The following TBXAS1 variants were observed in gnomAD, a reference collection of about 807,000 sequenced individuals.
TBXAS1 encodes thromboxane A synthase 1.
Under a neutral mutation model 60.7 loss-of-function variants are expected in TBXAS1, and 48 were observed. That is an observed-to-expected ratio of 0.79 (90% CI 0.63 to 1.01). The LOEUF is 1.01. Ranked by LOEUF, TBXAS1 falls within the 50% of genes least tolerant of loss-of-function variation. The pLI, the probability that TBXAS1 is intolerant of heterozygous loss-of-function variation, is 0.00. For synonymous variants in TBXAS1, 287 were observed against 269.7 expected, an observed-to-expected ratio of 1.06 and a Z score of -0.63; for missense variants, 685 against 686.3, an observed-to-expected ratio of 1.00 and a Z score of 0.02.
intron 4 of TBXAS1, among the ~76,000 whole-genome samples, chr7:139,793,040 T>G (rs1797437080): frequency 6.6e-6 from 1 of 152,176 alleles, no homozygotes. Flanking sequence ...AATTGAATGG[T>G]TATCTACTAT....
chr7:139,880,638 A>G (rs1169637979), intron 3 of TBXAS1, among the ~76,000 whole-genome samples: 1 of 152,136 alleles, frequency 6.6e-6, no homozygotes, highest in Non-Finnish European at 1.5e-5. Context: ...AAATTGTCCC[A>G]TTTTGCTTCA....
intron 5 of TBXAS1, 77 bp downstream of exon 5, chr7:139,936,384 C>A: frequency 7.2e-7 from 1 of 1,396,886 alleles, no homozygotes; most frequent in South Asian, 1.2e-5. Flanking sequence ...AGAGCCAGTT[C>A]ATGTTGCATC....
chr7:139,893,138 T>C (rs1653871222), intron 3 of TBXAS1, among the ~76,000 whole-genome samples: 2 of 152,260 alleles, frequency 1.3e-5, no homozygotes, highest in Middle Eastern at 3.4e-3. Context: ...TTTTTATACC[T>C]AGTCCTGGAC....
At position 139,832,299 on chromosome 7, in the gene TBXAS1, A is replaced by T. The variant is rs899628732; in HGVS notation, c.89+2820A>T. ...AGAAAATTCAGGAAACTTTGGACACACTTTTAGAAATGTGAAATGCTCTGG... is the reference window on the plus strand; with the variant it reads ...AGAAAATTCAGGAAACTTTGGACACTCTTTTAGAAATGTGAAATGCTCTGG... On this transcript the variant is annotated intron_variant, in intron 1 of 12. Transcript: ENST00000448866. 3.9e-5 allele frequency among the ~76,000 whole-genome samples: 6 copies of T among 152,312 alleles called. No individual in the cohort carries two copies. In the South Asian group the frequency reaches 1.2e-3, roughly 32 times the overall value.
At chr7:139,864,246 TA>T (rs78154434) in intron 1 of TBXAS1, among the ~76,000 whole-genome samples, 2,253 of 138,742 alleles carry the variant, frequency 0.016, 24 homozygotes, top group Middle Eastern at 0.037. Flanking sequence ...ACGCTGGCAT[TA>T]AAAAAAAAAA....
chr7:139,913,459 A>G (rs1389940185), intron 4 of TBXAS1: 1 of 335,936 alleles, frequency 3.0e-6, no homozygotes, highest in African/African-American at 2.0e-5. Context: ...CTGAGCCCCT[A>G]AGCCATGAGA....
chr7:139,965,520 C>T (rs769006727), intron 9 of TBXAS1, among the ~76,000 whole-genome samples: 4 of 152,070 alleles, frequency 2.6e-5, no homozygotes, highest in Non-Finnish European at 5.9e-5. Context: ...CAGCAAACTC[C>T]GCCGCCTAAG....
chr7:139,885,895 A>C (rs1462481423), intron 3 of TBXAS1, among the ~76,000 whole-genome samples: 1 of 152,210 alleles, frequency 6.6e-6, no homozygotes, highest in Non-Finnish European at 1.5e-5. Flanking sequence ...TCAAGCAAAA[A>C]AAGTCACACA....
intron 1 of TBXAS1, among the ~76,000 whole-genome samples, chr7:139,848,956 G>T (rs1012659347): frequency 2.0e-5 from 3 of 151,998 alleles, no homozygotes; most frequent in Admixed American, 6.6e-5. Flanking sequence ...GAATCTAGGG[G>T]CCACAAGTCA....
rs1584770370 is a variant in TBXAS1 at position 139,887,440 on chromosome 7, C to T, written c.236+11803C>T. Among the ~76,000 whole-genome samples, 5 of 152,122 alleles carry T rather than the reference C, an allele frequency of 3.3e-5. No individual in the cohort carries two copies. In the South Asian group the frequency reaches 1.0e-3, roughly 32 times the overall value. On this transcript the variant is annotated intron_variant, in intron 3 of 12. Transcript: ENST00000448866. Reference sequence around the variant, plus strand: ...ACATTAACTCTCCCTTCCCTCCTCCCCCAGGCCCTGACAACCACCATTTTA... The same window carrying T: ...ACATTAACTCTCCCTTCCCTCCTCCTCCAGGCCCTGACAACCACCATTTTA...
intron 5 of TBXAS1, among the ~76,000 whole-genome samples, chr7:139,951,047 TG>T (rs1211732601): frequency 6.6e-6 from 1 of 152,174 alleles, no homozygotes; most frequent in Non-Finnish European, 1.5e-5. Flanking sequence ...GCCGGCCAGC[TG>T]TCCCACTCTA....
At chr7:139,946,071 G>T (rs1000545960) in intron 5 of TBXAS1, among the ~76,000 whole-genome samples, 3 of 152,188 alleles carry the variant, frequency 2.0e-5, no homozygotes, top group African/African-American at 7.2e-5. Flanking sequence ...GGTGGCTCAT[G>T]CCTGTAATCC....
chr7:139,990,238 G>A (rs550327363), intron 9 of TBXAS1, among the ~76,000 whole-genome samples: 1 of 152,102 alleles, frequency 6.6e-6, no homozygotes, highest in Non-Finnish European at 1.5e-5. Flanking sequence ...GGGAGACCCC[G>A]AGGCCATCTG....
rs928356235 is a variant in TBXAS1, at chr7:139,814,630, A to G, written c.-79-14682A>G. ...CACTGAATTAGGGCCTTGGGGAAATATGACACAGATTCTAGAGCTGAGCAA... is the reference window on the plus strand; with the variant it reads ...CACTGAATTAGGGCCTTGGGGAAATGTGACACAGATTCTAGAGCTGAGCAA... On this transcript the variant is annotated intron_variant, in intron 4 of 16. Coordinates refer to the TBXAS1 transcript ENST00000336425. 8.5e-5 allele frequency among the ~76,000 whole-genome samples: 13 copies of G among 152,160 alleles called. 1 individual carries two copies. The highest frequency in any genetic ancestry group is 8.5e-4 in the Admixed American group (13 of 15,280).
At chr7:139,786,240 C>T (rs1226990321) in intron 3 of TBXAS1, among the ~76,000 whole-genome samples, 1 of 151,506 alleles carries the variant, frequency 6.6e-6, no homozygotes, top group Non-Finnish European at 1.5e-5. Flanking sequence ...TAATGTCTGC[C>T]TCATCAGTAG....
intron 7 of TBXAS1, among the ~76,000 whole-genome samples, chr7:139,956,646 C>T (rs1046058674): frequency 3.3e-5 from 5 of 152,232 alleles, no homozygotes; most frequent in African/African-American, 7.2e-5. Context: ...CATGGGAGCC[C>T]GTCACCTCAC....
chr7:140,016,768 T>G (rs1205242986), intron 11 of TBXAS1: 2 of 152,830 alleles, frequency 1.3e-5, no homozygotes, highest in Non-Finnish European at 2.9e-5. Flanking sequence ...GTGTGTGATC[T>G]GGCAAGGGAA....
At chr7:139,976,400 T>C (rs913260951) in intron 9 of TBXAS1, among the ~76,000 whole-genome samples, 4 of 152,170 alleles carry the variant, frequency 2.6e-5, no homozygotes, top group African/African-American at 9.7e-5. Flanking sequence ...GGAGACTGGA[T>C]CGGCCACCCT....
chr7:139,962,533 G>C (rs1810456746), intron 9 of TBXAS1: 2 of 379,802 alleles, frequency 5.3e-6, no homozygotes, highest in East Asian at 6.5e-5. Flanking sequence ...CAGGCCCAAA[G>C]GGCAGGGATG....
Sources: allele counts gnomAD v4.1 joint callset (sites outside exome capture counted in the v4.1 genomes callset), GRCh38; gene constraint gnomAD v4.1.1; transcripts MANE v1.5; gene names NCBI Gene and HGNC (gene_info 2026-07-23, HGNC 2026-07-21).